Variants in KDM4C observed in about 807,000 individuals in gnomAD.
KDM4C encodes lysine-specific demethylase 4C.
Under a neutral mutation model 129.3 loss-of-function variants are expected in KDM4C, and 81 were observed. The observed-to-expected ratio is 0.63, with a 90% confidence interval of 0.52 to 0.75. The LOEUF is 0.75. KDM4C is among the 30% of genes least tolerant of loss of function. The probability of loss-of-function intolerance (pLI) is 0.00; values close to 1 mark genes in which losing one functional copy is unlikely to be tolerated. For synonymous variants in KDM4C, 573 were observed against 456.1 expected, an observed-to-expected ratio of 1.26 and a Z score of -3.26; for missense variants, 1,457 against 1,304.0, an observed-to-expected ratio of 1.12 and a Z score of -1.81.
intron 19 of KDM4C, among the ~76,000 whole-genome samples, chr9:7,143,795 A>G (rs1438128179): frequency 1.3e-5 from 2 of 152,190 alleles, no homozygotes; most frequent in East Asian, 1.9e-4. Flanking sequence ...CTCCTTAACC[A>G]TCTTAGCTAT....
At chr9:7,023,746 CT>C (rs1470658964) in intron 15 of KDM4C, among the ~76,000 whole-genome samples, 1 of 151,846 alleles carries the variant, frequency 6.6e-6, no homozygotes, top group Non-Finnish European at 1.5e-5. Flanking sequence ...AGTTTTTCTT[CT>C]TTTTTTATAT....
chr9:7,028,418 T>TGCCCAGG (rs1381322201), intron 15 of KDM4C, among the ~76,000 whole-genome samples: 1 of 151,854 alleles, frequency 6.6e-6, no homozygotes. Flanking sequence ...TTCATGACTC[T>TGCCCAGG]GCCCAGTGCC....
chr9:6,819,238 T>C (rs1832625404), intron 4 of KDM4C, among the ~76,000 whole-genome samples: 1 of 152,214 alleles, frequency 6.6e-6, no homozygotes, highest in Non-Finnish European at 1.5e-5. Context: ...GCATAAGCAT[T>C]GACTGTAAAG....
chr9:6,983,203 C>T (rs1264667569), intron 9 of KDM4C, among the ~76,000 whole-genome samples: 2 of 152,164 alleles, frequency 1.3e-5, no homozygotes, highest in Non-Finnish European at 2.9e-5. Context: ...TCTGCCCTCC[C>T]TGACTTCCTA....
intron 8 of KDM4C, among the ~76,000 whole-genome samples, chr9:6,931,835 A>G (rs1823801185): frequency 6.6e-6 from 1 of 152,248 alleles, no homozygotes; most frequent in Admixed American, 6.5e-5. Context: ...GTCTTATATG[A>G]GAAAAATATT....
intron 8 of KDM4C, among the ~76,000 whole-genome samples, chr9:6,950,968 C>T (rs1162114025): frequency 6.6e-6 from 1 of 152,048 alleles, no homozygotes; most frequent in Non-Finnish European, 1.5e-5. Flanking sequence ...CTTTACAGTA[C>T]TTATTCTTTG....
intron 5 of KDM4C, among the ~76,000 whole-genome samples, chr9:6,868,788 C>G (rs559592022): frequency 6.6e-6 from 1 of 151,700 alleles, no homozygotes; most frequent in Admixed American, 6.6e-5. Context: ...CGCTTTACTA[C>G]TGCATGTATT....
At chr9:7,012,108 G>T (rs138622393) in intron 13 of KDM4C, among the ~76,000 whole-genome samples, 60 of 152,256 alleles carry the variant, frequency 3.9e-4, no homozygotes, top group African/African-American at 1.2e-3. Context: ...ATGCTCTGTT[G>T]CCCAGGCTGA....
intron 12 of KDM4C, among the ~76,000 whole-genome samples, chr9:6,991,916 A>G (rs1347797013): frequency 1.3e-5 from 2 of 152,222 alleles, no homozygotes; most frequent in Non-Finnish European, 2.9e-5. Context: ...GGATCATAGT[A>G]GTTTGTATGA....
intron 15 of KDM4C, among the ~76,000 whole-genome samples, chr9:7,038,317 G>A (rs1827994925): frequency 6.6e-6 from 1 of 151,890 alleles, no homozygotes; most frequent in Admixed American, 6.6e-5. Flanking sequence ...ATTTTTTACA[G>A]AAAACTACTT....
At chr9:6,917,850 G>C (rs559793345) in intron 8 of KDM4C, among the ~76,000 whole-genome samples, 2 of 152,178 alleles carry the variant, frequency 1.3e-5, no homozygotes, top group South Asian at 4.2e-4. Flanking sequence ...GTCTAAGTGA[G>C]GCCACTTGTG....
At chr9:7,040,400 T>TGC (rs1554712903) in intron 15 of KDM4C, among the ~76,000 whole-genome samples, 3,227 of 143,728 alleles carry the variant, frequency 0.022, 113 homozygotes, top group Admixed American at 0.091. Context: ...TGTGTGTGTG[T>TGC]GTGTGCGTGT....
intron 18 of KDM4C, among the ~76,000 whole-genome samples, chr9:7,117,292 T>C (rs1160079285): frequency 6.6e-6 from 1 of 152,168 alleles, no homozygotes; most frequent in Non-Finnish European, 1.5e-5. Context: ...TTAGTCTGTT[T>C]TGCTTTGGGT....
intron 19 of KDM4C, among the ~76,000 whole-genome samples, chr9:7,132,927 A>G (rs1482460243): frequency 6.6e-6 from 1 of 152,236 alleles, no homozygotes; most frequent in Admixed American, 6.5e-5. Flanking sequence ...TGAAATTTCC[A>G]TGAGGACTGG....
intron 19 of KDM4C, among the ~76,000 whole-genome samples, chr9:7,132,321 T>A (rs759331937): frequency 1.6e-4 from 25 of 152,176 alleles, no homozygotes; most frequent in Middle Eastern, 3.2e-3. Context: ...CCTATCCATG[T>A]TTGAGAATTT....
intron 15 of KDM4C, among the ~76,000 whole-genome samples, chr9:7,036,486 C>T (rs1035792273): frequency 5.3e-5 from 8 of 152,232 alleles, no homozygotes; most frequent in Admixed American, 2.6e-4. Context: ...GCTACCAGAG[C>T]GGTGCTCTGA....
chr9:7,089,202 A>G (rs1402757794), intron 17 of KDM4C, among the ~76,000 whole-genome samples: 2 of 152,206 alleles, frequency 1.3e-5, no homozygotes, highest in African/African-American at 4.8e-5. Context: ...TGGGTTGAAT[A>G]ACGTAAAAAA....
At chr9:6,837,657 G>T (rs572560429) in intron 4 of KDM4C, among the ~76,000 whole-genome samples, 33 of 152,076 alleles carry the variant, frequency 2.2e-4, no homozygotes, top group African/African-American at 8.0e-4. Flanking sequence ...TTTATGAACT[G>T]TCCTCTATTT....
chr9:7,091,204 C>T (rs940488301), intron 17 of KDM4C, among the ~76,000 whole-genome samples: 2 of 152,114 alleles, frequency 1.3e-5, no homozygotes, highest in African/African-American at 4.8e-5. Context: ...TCTTTTGTCA[C>T]TGTCATGAGA....
Sources: allele counts gnomAD v4.1 joint callset (sites outside exome capture counted in the v4.1 genomes callset), GRCh38; gene constraint gnomAD v4.1.1; transcripts MANE v1.5; gene names NCBI Gene and HGNC (gene_info 2026-07-23, HGNC 2026-07-21).